The following ARMH4 variants were observed in gnomAD, a reference collection of about 807,000 sequenced individuals.
ARMH4 encodes the protein armadillo like helical domain containing 4.
In ARMH4, 49 loss-of-function variants were observed where a neutral mutation model predicts 61.9. The ratio of observed to expected loss-of-function variants is 0.79; its 90% CI spans 0.63 to 1.00. The LOEUF (loss-of-function observed/expected upper bound fraction) is 1.00, where lower values mean the gene tolerates loss of function less well. Among genes scored for constraint, ARMH4 ranks in the 50% least tolerant of loss-of-function variants. The pLI, the probability that ARMH4 is intolerant of heterozygous loss-of-function variation, is 0.00. For missense variants in ARMH4, 934 were observed against 930.0 expected (o/e 1.00, Z -0.06); for synonymous variants, 368 against 341.5 (o/e 1.08, Z -0.85).
intron 1 of ARMH4, among the ~76,000 whole-genome samples, chr14:58,147,723 C>G (rs967559628): frequency 5.3e-5 from 8 of 152,146 alleles, no homozygotes; most frequent in Admixed American, 5.2e-4. Context: ...CTTATTTAAT[C>G]CTTACAACAA....
Position 58,132,956 on chromosome 14 carries a change from GGTGT to G in ARMH4, c.1621+130_1621+133del, listed in dbSNP as rs149751032. The stretch of plus-strand genomic sequence containing the variant: ...GAGCTCACACCCCTTTCCAGGTAAA[GGTGT>G]GTGTGTGTGTGTACGTGCACGCACG... On this transcript the variant is annotated intron_variant, in intron 3 of 7. Coordinates refer to ENST00000267485, the MANE Select transcript of ARMH4 (RefSeq NM_001001872.4). 1.9e-4 allele frequency: 160 copies of G among 835,926 alleles called. 1 individual carries two copies. Among genetic ancestry groups the G allele is most frequent in the South Asian group, 6.8e-4 (39 of 57,254 alleles). 51.8% of individuals were successfully genotyped at this position (835,926 alleles called of 1,614,324 possible). A position where few individuals can be genotyped will look rare whatever the true frequency, so the allele number is the denominator to read the frequency against.
Position 58,005,190 on chromosome 14 carries a change from G to A in ARMH4, c.2122-8C>T, listed in dbSNP as rs756074178. On this transcript the variant is annotated splice_region_variant and splice_polypyrimidine_tract_variant and intron_variant, in intron 6 of 7. Transcript: ENST00000267485. ...CCCAGACATGTAACCAGCCTGCATA[G>A]AAAAGGAAACACACATTAGGATGCT... The A allele has an allele frequency of 6.2e-7, 1 of 1,613,814 alleles. No individual in the cohort carries two copies. The highest frequency in any genetic ancestry group is 1.7e-5 in the Admixed American group (1 of 59,952).
At chr14:58,076,431 C>T (rs1594742535) in intron 5 of ARMH4, among the ~76,000 whole-genome samples, 1 of 152,296 alleles carries the variant, frequency 6.6e-6, no homozygotes, top group East Asian at 1.9e-4. Context: ...GGACTAAGTG[C>T]ATTTTCATTT....
chr14:58,055,329 G>A lies in ARMH4; in HGVS notation c.2089+41395C>T, dbSNP rs1461242291. On this transcript the variant is annotated intron_variant, in intron 5 of 7. Transcript: ENST00000267485. ...ATAACCTCTACTCACCACGTGGAAT[G>A]AAACAGCATTCAGTTAGACTTTTCT... Among the ~76,000 whole-genome samples the A allele has an allele frequency of 3.9e-5, 6 of 152,316 alleles. No homozygotes were observed. In the East Asian group the frequency reaches 7.7e-4, roughly 20 times the overall value.
chr14:58,102,342 G>C (rs910874603), intron 4 of ARMH4, among the ~76,000 whole-genome samples: 4 of 152,176 alleles, frequency 2.6e-5, no homozygotes, highest in African/African-American at 7.2e-5. Flanking sequence ...TTTGGAGACA[G>C]CAGAGGGTGG....
chr14:58,004,945 A>G (rs1186520346), intron 7 of ARMH4, 103 bp downstream of exon 7: 2 of 1,565,070 alleles, frequency 1.3e-6, no homozygotes, highest in Middle Eastern at 1.7e-4. Flanking sequence ...GGGCACGTCA[A>G]TACCACCCAA....
chr14:58,134,863 A>C (rs1427973984), intron 2 of ARMH4, among the ~76,000 whole-genome samples: 2 of 151,540 alleles, frequency 1.3e-5, no homozygotes, highest in African/African-American at 2.4e-5. Flanking sequence ...AGGATGAGGC[A>C]GGACAATTGC....
intron 5 of ARMH4, among the ~76,000 whole-genome samples, chr14:58,082,386 TA>T (rs1484155162): frequency 3.3e-5 from 5 of 152,222 alleles, no homozygotes; most frequent in African/African-American, 4.8e-5. Flanking sequence ...AGGCCAAAGA[TA>T]AATGGGCTTT....
chr14:58,139,126 G>A lies in ARMH4; in HGVS notation c.233C>T (p.Ser78Leu), dbSNP rs764946164. Residue 78 changes from serine to leucine, a missense_variant, in exon 2 of 8, where the codon TCA becomes TTA. Transcript: ENST00000267485. ...TAATGATGTTGCCGATGGTACTGCTGACATCATCATTGGATCTTCAGAGAC... is the reference window on the plus strand; with the variant it reads ...TAATGATGTTGCCGATGGTACTGCTAACATCATCATTGGATCTTCAGAGAC... ...LVVSEDPMMM[S>L]AVPSATSLNK... 6.2e-7 allele frequency: 1 copy of A among 1,614,230 alleles called. No individual in the cohort carries two copies. Among genetic ancestry groups the A allele is most frequent in the Non-Finnish European group, 8.5e-7 (1 of 1,180,048 alleles).
At position 58,138,264 on chromosome 14, in the gene ARMH4, C is replaced by T; in HGVS notation, c.1095G>A (p.Val365=). The change falls in exon 2 of 8, where the codon GTG becomes GTA. Residue 365 remains valine (V), a synonymous_variant. Transcript: ENST00000267485. ...GGQPWTEAAQ[V]ALGLPEGETH... The stretch of plus-strand genomic sequence containing the variant: ...TTTCCCCTTCAGGCAGCCCCAGAGC[C>T]ACCTGTGCAGCCTCTGTCCAAGGCT... The T allele has an allele frequency of 6.2e-7, 1 of 1,614,238 alleles. No individual in the cohort carries two copies. The highest frequency in any genetic ancestry group is 8.5e-7 in the Non-Finnish European group (1 of 1,180,050).
intron 5 of ARMH4, among the ~76,000 whole-genome samples, chr14:58,026,809 C>T (rs917359792): frequency 4.6e-5 from 7 of 152,104 alleles, no homozygotes; most frequent in African/African-American, 1.7e-4. Context: ...AATTTGGGGG[C>T]TTCCACTGAT....
At chr14:58,079,153 TAA>T (rs1885142504) in intron 5 of ARMH4, among the ~76,000 whole-genome samples, 1 of 152,238 alleles carries the variant, frequency 6.6e-6, no homozygotes, top group African/African-American at 2.4e-5. Flanking sequence ...CTAAATGATG[TAA>T]AGTATATCAA....
chr14:58,044,642 G>C (rs1282518984), intron 5 of ARMH4, among the ~76,000 whole-genome samples: 1 of 152,132 alleles, frequency 6.6e-6, no homozygotes, highest in Non-Finnish European at 1.5e-5. Flanking sequence ...AAGAGCTTCT[G>C]CAAAGCAAAA....
intron 5 of ARMH4, among the ~76,000 whole-genome samples, chr14:58,092,286 T>C (rs573625913): frequency 1.3e-5 from 2 of 152,322 alleles, no homozygotes; most frequent in African/African-American, 2.4e-5. Flanking sequence ...TCATATTAAA[T>C]AGGATTACTT....
chr14:58,092,923 G>T (rs1237404063), intron 5 of ARMH4, among the ~76,000 whole-genome samples: 1 of 151,284 alleles, frequency 6.6e-6, no homozygotes, highest in Non-Finnish European at 1.5e-5. Flanking sequence ...ATATGGTTTG[G>T]GTGTGCCCCA....
chr14:58,109,034 G>C (rs755908451), intron 4 of ARMH4, among the ~76,000 whole-genome samples: 17 of 152,080 alleles, frequency 1.1e-4, no homozygotes, highest in Non-Finnish European at 2.4e-4. Flanking sequence ...GATTCTTTTA[G>C]AGTTCTTTCT....
At chr14:58,143,262 G>C (rs1297029298) in intron 1 of ARMH4, among the ~76,000 whole-genome samples, 1 of 152,186 alleles carries the variant, frequency 6.6e-6, no homozygotes, top group African/African-American at 2.4e-5. Context: ...AGTGTCATGT[G>C]CAGAAAAGAA....
rs566863750 is a variant in ARMH4 at position 58,021,573 on chromosome 14, G to A, written c.2090-9423C>T. 3.9e-5 allele frequency among the ~76,000 whole-genome samples: 6 copies of A among 152,194 alleles called. No homozygotes were observed. In the South Asian group the frequency reaches 1.2e-3, roughly 32 times the overall value. On this transcript the variant is annotated intron_variant, in intron 5 of 7. Transcript: ENST00000267485. ...CATCCAGAAACACCCTCACAAACAC[G>A]ACCAATATAGTGTTTGATCAAATGC... is the stretch of plus-strand genomic sequence containing the variant.
At chr14:58,051,999 C>T (rs1884159728) in intron 5 of ARMH4, among the ~76,000 whole-genome samples, 1 of 152,188 alleles carries the variant, frequency 6.6e-6, no homozygotes, top group Admixed American at 6.5e-5. Context: ...AGACCACTTC[C>T]AAAGTCCTGA....
Sources: gnomAD v4.1 joint callset for allele counts (sites outside exome capture counted in the v4.1 genomes callset) on GRCh38, gnomAD v4.1.1 for gene constraint, MANE v1.5 for transcripts, NCBI Gene and HGNC (gene_info 2026-07-23, HGNC 2026-07-21) for gene names.